Variants in SHPK observed in about 807,000 individuals in gnomAD.
The protein encoded by SHPK is carbohydrate kinase-like protein.
In SHPK, 51 loss-of-function variants were observed where a neutral mutation model predicts 46.3. The ratio of observed to expected loss-of-function variants is 1.10; its 90% CI spans 0.88 to 1.39. SHPK has a LOEUF of 1.39. SHPK is among the 40% of genes most tolerant of loss of function. SHPK has a pLI of 0.00. For missense variants in SHPK, 668 were observed against 641.3 expected (o/e 1.04, Z -0.45); for synonymous variants, 290 against 273.9 (o/e 1.06, Z -0.58).
intron 2 of SHPK, among the ~76,000 whole-genome samples, chr17:3,629,139 G>A (rs536191139): frequency 3.1e-4 from 47 of 152,188 alleles, no homozygotes; most frequent in African/African-American, 1.1e-3. Flanking sequence ...ATTCAAAAGT[G>A]GGGTTCACCT....
chr17:3,619,318 C>A, intron 5 of SHPK: 1 of 1,082,348 alleles, frequency 9.2e-7, no homozygotes, highest in Admixed American at 1.7e-5. Context: ...ATCAGTCCAC[C>A]ACAGTTACGT....
chr17:3,626,895 C>CAA (rs148597673), intron 2 of SHPK, among the ~76,000 whole-genome samples: 2 of 150,928 alleles, frequency 1.3e-5, no homozygotes, highest in African/African-American at 4.9e-5. Context: ...GACTCCATCT[C>CAA]AAAAAAAATA....
intron 5 of SHPK, among the ~76,000 whole-genome samples, chr17:3,620,064 C>T (rs1457256304): frequency 6.6e-6 from 1 of 152,186 alleles, no homozygotes; most frequent in African/African-American, 2.4e-5. Flanking sequence ...CGCTCATTTA[C>T]ATATCGTCTA....
At chr17:3,627,364 G>C (rs1029746953) in intron 2 of SHPK, among the ~76,000 whole-genome samples, 1 of 152,012 alleles carries the variant, frequency 6.6e-6, no homozygotes. Context: ...GCTCGCTCCG[G>C]GTGCCCTCAC....
chr17:3,634,480 G>A (rs1163305609), intron 1 of SHPK, among the ~76,000 whole-genome samples: 1 of 143,934 alleles, frequency 6.9e-6, no homozygotes, highest in Non-Finnish European at 1.5e-5. Flanking sequence ...ACTGAGGCAC[G>A]AAAATCACTT....
chr17:3,626,583 G>A (rs1003505290), intron 2 of SHPK, among the ~76,000 whole-genome samples: 2 of 151,962 alleles, frequency 1.3e-5, no homozygotes. Flanking sequence ...TTAGCCGGGC[G>A]TGATGGCGGG....
At chr17:3,620,850 C>T (rs530183760) in intron 5 of SHPK, among the ~76,000 whole-genome samples, 107 of 152,324 alleles carry the variant, frequency 7.0e-4, no homozygotes, top group Non-Finnish European at 1.1e-3. Flanking sequence ...TGAGCCACCG[C>T]GCCCAGCCTA....
Position 3,623,714 on chromosome 17 carries a change from G to C in SHPK, c.495-223C>G, listed in dbSNP as rs547879002. On this transcript the variant is annotated intron_variant, in intron 3 of 6. Coordinates refer to ENST00000225519, the MANE Select transcript of SHPK (RefSeq NM_013276.4). ...CCCCAGGGGAAGGGCCTGAGAGGAG[G>C]AAGTGTCAAGCCTGGAAAAGCAGAC... is the stretch of plus-strand genomic sequence containing the variant. Among the ~76,000 whole-genome samples, 3 of 152,314 alleles carry C rather than the reference G, an allele frequency of 2.0e-5. No individual in the cohort carries two copies. In the East Asian group the frequency reaches 5.8e-4, roughly 29 times the overall value.
At chr17:3,623,611 T>C in intron 3 of SHPK, 120 bp from the exon 4 acceptor site, 1 of 979,292 alleles carries the variant, frequency 1.0e-6, no homozygotes, top group Non-Finnish European at 1.6e-6. Flanking sequence ...CACAACCGCA[T>C]ATACTATGGC....
chr17:3,635,191 A>G (rs1038236400), intron 1 of SHPK, among the ~76,000 whole-genome samples: 3 of 135,128 alleles, frequency 2.2e-5, no homozygotes, highest in Non-Finnish European at 4.7e-5. Context: ...GAAAGGAAAG[A>G]ATGAAGGAAG....
At chr17:3,619,414 A>T (rs1226832577) in intron 5 of SHPK, 2 of 1,551,652 alleles carry the variant, frequency 1.3e-6, no homozygotes, top group African/African-American at 2.7e-5. Flanking sequence ...GCAACTCGGG[A>T]CATAAAGCCA....
chr17:3,630,205 C>T lies in SHPK; in HGVS notation c.310G>A (p.Gly104Ser), dbSNP rs953045815. The T allele has an allele frequency of 2.5e-6, 4 of 1,613,808 alleles. No homozygotes were observed. The highest frequency in any genetic ancestry group is 3.4e-6 in the Non-Finnish European group (4 of 1,180,006). ...GAGAGCATCCCCGAGCCCAGCATACCTTGGCCTGTTTTCCAAAACACGACT... is the reference window on the plus strand; with the variant it reads ...GAGAGCATCCCCGAGCCCAGCATACTTTGGCCTGTTTTCCAAAACACGACT... Reference protein sequence around the residue: ...HGVVFWKTGQGCEWTEGGITP... With the variant: ...HGVVFWKTGQSCEWTEGGITP... Residue 104 changes from glycine (G) to serine (S), a missense_variant and splice_region_variant, in exon 2 of 7, where the codon GGC becomes AGC. Physicochemically the swap from Gly to Ser is moderately conservative, Grantham distance 56. Coordinates refer to ENST00000225519, the MANE Select transcript of SHPK (RefSeq NM_013276.4).
chr17:3,629,062 T>C (rs960150864), intron 2 of SHPK, among the ~76,000 whole-genome samples: 7 of 152,218 alleles, frequency 4.6e-5, no homozygotes, highest in Admixed American at 1.3e-4. Context: ...CTGTGTCCCC[T>C]TGCAGCTCTG....
chr17:3,631,512 C>T (rs1378754119), intron 1 of SHPK, among the ~76,000 whole-genome samples: 87 of 52,970 alleles, frequency 1.6e-3, no homozygotes, highest in East Asian at 3.5e-3. Context: ...TAATTTAATG[C>T]TTTTTTTTTT....
At chr17:3,627,007 T>C (rs1204998521) in intron 2 of SHPK, among the ~76,000 whole-genome samples, 1 of 152,232 alleles carries the variant, frequency 6.6e-6, no homozygotes, top group Non-Finnish European at 1.5e-5. Context: ...TGATGCTTTG[T>C]TGTTTTCATC....
At position 3,609,077 on chromosome 17, in the gene SHPK, G is replaced by A. The variant is rs1251354791; in HGVS notation, c.*1483C>T. The A allele has an allele frequency of 1.3e-5, 2 of 152,168 alleles. No individual in the cohort carries two copies. Among genetic ancestry groups the A allele is most frequent in the Non-Finnish European group, 2.9e-5 (2 of 68,076 alleles). The allele number at this position is 152,168 out of a possible 1,614,324, so 9.4% of individuals were successfully genotyped here. A position where few individuals can be genotyped will look rare whatever the true frequency, so the allele number is the denominator to read the frequency against. On this transcript the variant is annotated 3_prime_UTR_variant, in exon 7 of 7. Coordinates refer to ENST00000225519, the MANE Select transcript of SHPK (RefSeq NM_013276.4). ...CGGCTTGTATTTTTAGTAGAGACGG[G>A]GTATCCCCATGTTGGTCAGGCTGGT...
intron 2 of SHPK, among the ~76,000 whole-genome samples, chr17:3,629,497 GCCGGT>G: frequency 6.6e-6 from 1 of 152,122 alleles, no homozygotes; most frequent in African/African-American, 2.4e-5. Context: ...TTGGGAGGCT[GCCGGT>G]GGATCATTTG....
intron 1 of SHPK, among the ~76,000 whole-genome samples, chr17:3,631,311 G>A (rs1046026512): frequency 6.6e-6 from 1 of 151,632 alleles, no homozygotes; most frequent in Non-Finnish European, 1.5e-5. Flanking sequence ...GATCACCAGA[G>A]GGAGGAAAGA....
chr17:3,623,486 T>C lies in SHPK; in HGVS notation c.500A>G (p.Glu167Gly). The change falls in exon 4 of 7, where the codon GAG becomes GGG. Residue 167 changes from glutamate to glycine, a missense_variant. Coordinates refer to ENST00000225519, the MANE Select transcript of SHPK (RefSeq NM_013276.4). ...TIFWLLKYRP[E>G]FLKSYDAAGT... ...GGCTGCGTCGTAGGACTTCAGGAAC[T>C]CTGGGCTGTTTTTCATACCAAAAAC... 1.2e-6 allele frequency: 2 copies of C among 1,614,068 alleles called. No homozygotes were observed. Among genetic ancestry groups the C allele is most frequent in the Non-Finnish European group, 8.5e-7 (1 of 1,179,954 alleles).
Sources: allele counts gnomAD v4.1 joint callset (sites outside exome capture counted in the v4.1 genomes callset), GRCh38; gene constraint gnomAD v4.1.1; transcripts MANE v1.5; gene names NCBI Gene and HGNC (gene_info 2026-07-23, HGNC 2026-07-21).